Variants in CA10 observed in about 807,000 individuals in gnomAD.
CA10 encodes the protein carbonic anhydrase-related protein 10.
CA10 carries 14 observed loss-of-function variants against 44.2 expected under a neutral mutation model. The ratio of observed to expected loss-of-function variants is 0.32; its 90% confidence interval spans 0.21 to 0.50. The LOEUF (loss-of-function observed/expected upper bound fraction) is 0.50. Among genes scored for constraint, CA10 ranks in the 20% least tolerant of loss-of-function variants. CA10 has a pLI of 0.99. For synonymous variants in CA10, 159 were observed against 141.6 expected (o/e 1.12, Z -0.87); for missense variants, 350 against 409.7 (o/e 0.85, Z 1.26).
At chr17:51,941,131 T>C (rs1041595051) in intron 2 of CA10, among the ~76,000 whole-genome samples, 2 of 152,136 alleles carry the variant, frequency 1.3e-5, no homozygotes, top group African/African-American at 4.8e-5. Context: ...ATTCAGCCAG[T>C]GCACAGCTGA....
rs1366629855 is a variant in CA10, at chr17:51,809,324, G to A, written c.280-61506C>T. On this transcript the variant is annotated intron_variant, in intron 3 of 8. Coordinates refer to ENST00000451037, the MANE Select transcript of CA10 (RefSeq NM_020178.5). ...GTCAGGCACTGTGTTCAATGCTGGG[G>A]TTACAAAGATAAGTAACATACCAAC... Among the ~76,000 whole-genome samples, 3 of 152,132 alleles carry A rather than the reference G, an allele frequency of 2.0e-5. No individual in the cohort carries two copies. The South Asian group carries it at 6.2e-4, about 31-fold the overall frequency.
intron 2 of CA10, among the ~76,000 whole-genome samples, chr17:52,039,871 C>G (rs950743242): frequency 6.6e-6 from 1 of 151,858 alleles, no homozygotes; most frequent in African/African-American, 2.4e-5. Flanking sequence ...TCATAATGGT[C>G]GTCAATTATT....
chr17:51,663,244 C>CT (rs1914075293), intron 4 of CA10, among the ~76,000 whole-genome samples: 1 of 808 alleles, frequency 1.2e-3, no homozygotes, highest in Non-Finnish European at 2.7e-3. Context: ...ACCACTTTTT[C>CT]TCGATTCCTT....
At chr17:51,784,937 C>T (rs1024739782) in intron 3 of CA10, among the ~76,000 whole-genome samples, 1 of 152,172 alleles carries the variant, frequency 6.6e-6, no homozygotes, top group African/African-American at 2.4e-5. Context: ...CTATGCTTCC[C>T]AGCTTTGGAA....
At position 51,976,690 on chromosome 17, in the gene CA10, TAAG is replaced by T. The variant is rs535761099; in HGVS notation, c.137-45561_137-45559del. Among the ~76,000 whole-genome samples the T allele has an allele frequency of 1.2e-3, 180 of 151,440 alleles. 4 individuals carry two copies. The South Asian group carries it at 0.021, about 18-fold the overall frequency. ...AAAGCAATGGTCTAAGATTTCATCT[TAAG>T]AAGATAAAATAAAAAACAAATTAAA... On this transcript the variant is annotated intron_variant, in intron 2 of 8. Coordinates refer to ENST00000451037, the MANE Select transcript of CA10 (RefSeq NM_020178.5).
chr17:51,779,938 G>A (rs1167295046), intron 3 of CA10, among the ~76,000 whole-genome samples: 2 of 152,182 alleles, frequency 1.3e-5, no homozygotes, highest in Non-Finnish European at 2.9e-5. Context: ...TTCTGGCTTG[G>A]CTTTGCCATA....
intron 1 of CA10, among the ~76,000 whole-genome samples, chr17:52,097,121 T>C (rs1988422889): frequency 6.6e-6 from 1 of 152,068 alleles, no homozygotes; most frequent in Non-Finnish European, 1.5e-5. Context: ...TTTTAAAAAA[T>C]CTAGAATGGA....
chr17:51,822,362 G>A (rs895414427), intron 3 of CA10, among the ~76,000 whole-genome samples: 1 of 152,086 alleles, frequency 6.6e-6, no homozygotes, highest in Admixed American at 6.5e-5. Context: ...GGTTGCATGA[G>A]CCAGGATCCA....
Position 52,158,057 on chromosome 17 carries a change from C to A in CA10, c.-271G>T. 1 of 541,092 alleles carries A rather than the reference C, an allele frequency of 1.8e-6. No homozygotes were observed. Among genetic ancestry groups the A allele is most frequent in the East Asian group, 3.3e-5 (1 of 30,310 alleles). The allele number at this position is 541,092 out of a possible 1,614,324, so 33.5% of individuals were successfully genotyped here. A position where few individuals can be genotyped will look rare whatever the true frequency, so the allele number is the denominator to read the frequency against. On this transcript the variant is annotated 5_prime_UTR_variant, in exon 1 of 9. The change creates a premature stop within an existing upstream ORF in the 5' untranslated region. Transcript: ENST00000451037. ...TCGCTGCCTTGGAGGTCTCCCCGCT[C>A]GCGTGTCTCTTCTCTTCGCACCAGC... is the stretch of plus-strand genomic sequence containing the variant.
At chr17:51,957,770 T>C (rs1053587454) in intron 2 of CA10, among the ~76,000 whole-genome samples, 1 of 152,198 alleles carries the variant, frequency 6.6e-6, no homozygotes, top group Non-Finnish European at 1.5e-5. Flanking sequence ...TAGAGTGCCA[T>C]GCATTTGCAA....
At chr17:52,096,443 C>A (rs1167784070) in intron 1 of CA10, among the ~76,000 whole-genome samples, 1 of 152,180 alleles carries the variant, frequency 6.6e-6, no homozygotes, top group Non-Finnish European at 1.5e-5. Flanking sequence ...TTCCTGGACA[C>A]TCTGGTACAT....
chr17:51,897,620 A>G (rs1020183113), intron 3 of CA10, among the ~76,000 whole-genome samples: 2 of 152,174 alleles, frequency 1.3e-5, no homozygotes, highest in Non-Finnish European at 2.9e-5. Context: ...TGGTAATTTG[A>G]CAGGAGTAGC....
chr17:51,934,062 G>T (rs983774937), intron 2 of CA10, among the ~76,000 whole-genome samples: 3 of 152,002 alleles, frequency 2.0e-5, no homozygotes, highest in Non-Finnish European at 4.4e-5. Context: ...TCAGCCAATC[G>T]AGGAAGAAGT....
intron 1 of CA10, among the ~76,000 whole-genome samples, chr17:52,123,228 G>C (rs942278282): frequency 6.6e-6 from 1 of 152,046 alleles, no homozygotes; most frequent in Non-Finnish European, 1.5e-5. Context: ...ACTTAAAAGA[G>C]TGACATGAAA....
intron 2 of CA10, among the ~76,000 whole-genome samples, chr17:51,982,019 A>G (rs150560717): frequency 2.4e-3 from 364 of 152,200 alleles, no homozygotes; most frequent in African/African-American, 8.3e-3. Context: ...TGCCATTCAG[A>G]CTTATAGATT....
At chr17:52,086,461 C>T (rs1344984486) in intron 1 of CA10, among the ~76,000 whole-genome samples, 1 of 152,130 alleles carries the variant, frequency 6.6e-6, no homozygotes, top group Admixed American at 6.6e-5. Flanking sequence ...AAGTTGTTTT[C>T]CTGGCTTAAA....
intron 4 of CA10, among the ~76,000 whole-genome samples, chr17:51,674,236 A>G (rs1249595677): frequency 6.6e-6 from 1 of 152,244 alleles, no homozygotes; most frequent in Non-Finnish European, 1.5e-5. Context: ...CATAAGCACT[A>G]AATATACTTT....
At chr17:52,050,060 ATGG>A (rs1468916252) in intron 2 of CA10, among the ~76,000 whole-genome samples, 9 of 152,014 alleles carry the variant, frequency 5.9e-5, no homozygotes, top group Admixed American at 5.9e-4. Context: ...AGTGCACTCT[ATGG>A]TGTGTTCACA....
At chr17:52,116,109 T>A (rs947249089) in intron 1 of CA10, among the ~76,000 whole-genome samples, 2 of 151,274 alleles carry the variant, frequency 1.3e-5, no homozygotes, top group African/African-American at 4.9e-5. Flanking sequence ...AAAAAAAGTT[T>A]CTCTCCCTGT....
Sources: allele counts gnomAD v4.1 joint callset (sites outside exome capture counted in the v4.1 genomes callset), GRCh38; gene constraint gnomAD v4.1.1; transcripts MANE v1.5; gene names NCBI Gene and HGNC (gene_info 2026-07-23, HGNC 2026-07-21).